The following GABRA3 variants were observed in gnomAD, a reference collection of about 807,000 sequenced individuals.
The protein encoded by GABRA3 is gamma-aminobutyric acid type A receptor subunit alpha3.
GABRA3 carries 10 observed loss-of-function variants against 30.1 expected under a neutral mutation model. The observed-to-expected ratio is 0.33, with a 90% CI of 0.20 to 0.56. GABRA3 has a LOEUF of 0.56. Ranked by LOEUF, GABRA3 falls within the 20% of genes least tolerant of loss-of-function variation. The pLI, the probability that GABRA3 is intolerant of heterozygous loss-of-function variation, is 0.89. For synonymous variants in GABRA3, 151 were observed against 146.8 expected, an observed-to-expected ratio of 1.03 and a Z score of -0.21; for missense variants, 233 against 392.0, an observed-to-expected ratio of 0.59 and a Z score of 3.42.
intron 1 of GABRA3, among the ~76,000 whole-genome samples, chrX:152,388,637 A>T (rs1468237523): frequency 8.9e-6 from 1 of 112,525 alleles, no homozygotes; most frequent in Non-Finnish European, 1.9e-5. Flanking sequence ...CACCAATAAT[A>T]TGAAGTCATT....
intron 3 of GABRA3, among the ~76,000 whole-genome samples, chrX:152,337,580 GCA>G (rs1940252194): frequency 8.9e-6 from 1 of 111,852 alleles, no homozygotes; most frequent in Admixed American, 9.5e-5. Context: ...TGTAATCCCA[GCA>G]CTTTGGGAGG....
chrX:152,205,448 A>C (rs1433629072), intron 7 of GABRA3, among the ~76,000 whole-genome samples: 1 of 112,052 alleles, frequency 8.9e-6, no homozygotes, highest in East Asian at 2.8e-4. Flanking sequence ...ATAGCATTAA[A>C]ACACAGAATA....
chrX:152,275,169 ATTTATATATATTTAATATTATATATAT>A (rs981567160), intron 4 of GABRA3, among the ~76,000 whole-genome samples: 3 of 79,361 alleles, frequency 3.8e-5, no homozygotes, highest in Non-Finnish European at 6.8e-5. Flanking sequence ...TATATATATA[ATTTATATATATTTAATATTATATATAT>A]AATTTATATA....
At chrX:152,444,969 G>T in intron 1 of GABRA3, among the ~76,000 whole-genome samples, 1 of 84,431 alleles carries the variant, frequency 1.2e-5, no homozygotes, top group Non-Finnish European at 2.3e-5. Context: ...GCTGAGGCAG[G>T]AGAATGGCGT....
intron 7 of GABRA3, among the ~76,000 whole-genome samples, chrX:152,198,095 T>C (rs1294095651): frequency 2.7e-5 from 3 of 112,424 alleles, no homozygotes; most frequent in Non-Finnish European, 3.8e-5. Context: ...TGCTATGTGA[T>C]AGGCACTCAT....
intron 9 of GABRA3, among the ~76,000 whole-genome samples, chrX:152,174,361 G>A (rs1937044403): frequency 8.9e-6 from 1 of 111,780 alleles, no homozygotes; most frequent in African/African-American, 3.3e-5. Context: ...CTGAGGAATC[G>A]CCACACTGAC....
chrX:152,388,533 A>C (rs183010497), intron 1 of GABRA3, among the ~76,000 whole-genome samples: 6 of 112,247 alleles, frequency 5.3e-5, no homozygotes, highest in Non-Finnish European at 1.1e-4. Flanking sequence ...GTTTATGAGA[A>C]GATATCACTA....
chrX:152,261,567 A>C (rs971027551), intron 4 of GABRA3, among the ~76,000 whole-genome samples: 8 of 112,507 alleles, frequency 7.1e-5, no homozygotes, highest in Non-Finnish European at 1.1e-4. Flanking sequence ...TGCAGTCATT[A>C]AACCTTAAAG....
At position 152,237,701 on chromosome X, in the gene GABRA3, C is replaced by T. The variant is rs774094686; in HGVS notation, c.552-12856G>A. Among the ~76,000 whole-genome samples the T allele has an allele frequency of 3.8e-5, 4 of 105,299 alleles. No homozygotes were observed. The East Asian group carries it at 1.3e-3, about 33-fold the overall frequency. 91.4% of individuals were successfully genotyped at this position (105,299 alleles called of 115,157 possible). On this transcript the variant is annotated intron_variant, in intron 5 of 9. Coordinates refer to ENST00000370314, the MANE Select transcript of GABRA3 (RefSeq NM_000808.4). ...GGTTTGTGGTTCTCCTTGAAGAGGT[C>T]CTTCACATCCCTTGTAAGTTGGATT...
intron 1 of GABRA3, among the ~76,000 whole-genome samples, chrX:152,386,767 T>C (rs1929327622): frequency 9.0e-6 from 1 of 110,899 alleles, no homozygotes; most frequent in Non-Finnish European, 1.9e-5. Flanking sequence ...GAACCAGAAA[T>C]ACTTTTTGAC....
rs1249746708 is a variant in GABRA3 at position 152,442,395 on chromosome X, A to G, written c.-27+8751T>C. On this transcript the variant is annotated intron_variant, in intron 1 of 9. Coordinates refer to ENST00000370314, the MANE Select transcript of GABRA3 (RefSeq NM_000808.4). ...AATTTCCAAAATAAAAAAAGGGAAA[A>G]AAAACAAGAAAATAACTTGTAAACT... 2.7e-5 allele frequency among the ~76,000 whole-genome samples: 3 copies of G among 111,835 alleles called. No individual in the cohort carries two copies. The East Asian group carries it at 8.4e-4, about 31-fold the overall frequency.
intron 3 of GABRA3, among the ~76,000 whole-genome samples, chrX:152,325,198 G>A (rs1940033792): frequency 9.0e-6 from 1 of 111,700 alleles, no homozygotes; most frequent in African/African-American, 3.3e-5. Context: ...GGAGAAAAAG[G>A]CCCAAGGTCA....
Position 152,258,681 on chromosome X carries a change from T to A in GABRA3, c.331-2683A>T, listed in dbSNP as rs1938678147. 2.7e-5 allele frequency among the ~76,000 whole-genome samples: 3 copies of A among 111,653 alleles called. 1 individual carries two copies. The South Asian group carries it at 1.1e-3, about 42-fold the overall frequency. On this transcript the variant is annotated intron_variant, in intron 4 of 9. Coordinates refer to ENST00000370314, the MANE Select transcript of GABRA3 (RefSeq NM_000808.4). ...TTAAAATTGCAAAACAGAAAAGACA[T>A]ACTACCTACATAGATATGACCACTT...
In GABRA3 at chrX:152,255,883, G is replaced by A; in HGVS notation, c.446C>T (p.Pro149Leu). The A allele has an allele frequency of 8.3e-7, 1 of 1,210,401 alleles. No individual in the cohort carries two copies. The change falls in exon 5 of 10, where the codon CCG (proline) becomes CTG (leucine). Residue 149 changes from proline (P) to leucine (L), a missense_variant. Around this residue, in one of 6 missense-constraint regions of GABRA3, gnomAD observed 42 missense variants for 116.2 expected, o/e 0.36. Coordinates refer to ENST00000370314, the MANE Select transcript of GABRA3 (RefSeq NM_000808.4). ...CTTGCCATTGTGGAAGAAGGTGTCC[G>A]GTGTCCAGATCTTACTAGCCAGGAG... is the stretch of plus-strand genomic sequence containing the variant. ...NNLLASKIWT[P>L]DTFFHNGKKS...
chrX:152,385,014 CATG>C (rs1164198265), intron 1 of GABRA3, among the ~76,000 whole-genome samples: 182 of 111,595 alleles, frequency 1.6e-3, no homozygotes, highest in African/African-American at 5.1e-3. Flanking sequence ...CATTAATAAT[CATG>C]ATAATGAAAA....
At chrX:152,429,750 T>G (rs1930609147) in intron 1 of GABRA3, among the ~76,000 whole-genome samples, 1 of 112,056 alleles carries the variant, frequency 8.9e-6, no homozygotes, top group South Asian at 3.7e-4. Context: ...ACAATAAGAC[T>G]CTCCTCCTGA....
chrX:152,327,835 A>G, intron 3 of GABRA3, among the ~76,000 whole-genome samples: 1 of 111,999 alleles, frequency 8.9e-6, no homozygotes, highest in South Asian at 3.7e-4. Flanking sequence ...AGCAGAAGGC[A>G]AGAAATAACT....
intron 3 of GABRA3, among the ~76,000 whole-genome samples, chrX:152,320,576 G>T (rs1402441559): frequency 9.0e-6 from 1 of 111,089 alleles, no homozygotes; most frequent in Non-Finnish European, 1.9e-5. Context: ...TCAGGGGAAA[G>T]GGTGGAAGGG....
intron 5 of GABRA3, among the ~76,000 whole-genome samples, chrX:152,236,353 C>T (rs1938212902): frequency 9.7e-6 from 1 of 102,865 alleles, no homozygotes; most frequent in African/African-American, 3.6e-5. Flanking sequence ...CATAGTATTC[C>T]ATGGTGTATA....
Sources: gnomAD v4.1 joint callset for allele counts (sites outside exome capture counted in the v4.1 genomes callset) on GRCh38, gnomAD v4.1.1 for gene constraint, gnomAD v4.1.1 regional missense constraint, MANE v1.5 for transcripts, NCBI Gene and HGNC (gene_info 2026-07-23, HGNC 2026-07-21) for gene names.